The following NLRP7 variants were observed in gnomAD, a reference collection of about 807,000 sequenced individuals.
NLRP7 encodes NACHT, LRR and PYD domains-containing protein 7.
NLRP7 carries 72 observed loss-of-function variants against 85.5 expected under a neutral mutation model. The ratio of observed to expected loss-of-function variants is 0.84; its 90% CI spans 0.70 to 1.02. NLRP7 has a LOEUF of 1.02. NLRP7 is among the 50% of genes least tolerant of loss of function. NLRP7 has a pLI of 0.00. For missense variants in NLRP7, 1,243 were observed against 1,219.5 expected (o/e 1.02, Z -0.29); for synonymous variants, 550 against 505.2 (o/e 1.09, Z -1.19).
At chr19:54,940,959 T>C (rs778804267) in exon 3 of NLRP7, 1 of 1,613,032 alleles carries the variant, frequency 6.2e-7, no homozygotes, top group Non-Finnish European at 8.5e-7. Context: ...AGTCTTCTTC[T>C]GCATCTCCCA....
At chr19:54,955,119 G>A (rs978843171) in intron 1 of NLRP7, among the ~76,000 whole-genome samples, 6 of 152,256 alleles carry the variant, frequency 3.9e-5, no homozygotes, top group African/African-American at 4.8e-5. Context: ...CCTGAGGTCC[G>A]AAGTTTGAGA....
chr19:54,936,174 G>T, intron 6 of NLRP7, 87 bp downstream of exon 6: 1 of 1,188,010 alleles, frequency 8.4e-7, no homozygotes, highest in Non-Finnish European at 1.3e-6. Context: ...GACGGCATCT[G>T]GAGTGGTTAC....
intron 3 of NLRP7, 147 bp from the exon 4 acceptor site, chr19:54,940,613 G>A (rs994531019): frequency 8.9e-6 from 8 of 901,254 alleles, no homozygotes; most frequent in African/African-American, 1.6e-5. Flanking sequence ...GATCACTTGA[G>A]GTCAGGAGTT....
chr19:54,950,084 G>C (rs549230699), upstream of NLRP7, among the ~76,000 whole-genome samples: 1 of 151,534 alleles, frequency 6.6e-6, no homozygotes, highest in Admixed American at 6.6e-5. Flanking sequence ...CCTGGGTGAC[G>C]GAGTTAGACT....
At chr19:54,939,478 C>G in exon 4 of NLRP7, 1 of 1,613,610 alleles carries the variant, frequency 6.2e-7, no homozygotes, top group Non-Finnish European at 8.5e-7. Flanking sequence ...CGTCCAGGAA[C>G]AGACGGAGGT....
chr19:54,930,500 G>T (rs145163808), exon 9 of NLRP7: 7 of 1,599,180 alleles, frequency 4.4e-6, no homozygotes, highest in Admixed American at 3.3e-5. Flanking sequence ...ATCGCCTACC[G>T]TAGGTGTTTT....
chr19:54,937,537 A>G, intron 5 of NLRP7, among the ~76,000 whole-genome samples: 1 of 151,534 alleles, frequency 6.6e-6, no homozygotes, highest in Non-Finnish European at 1.5e-5. Flanking sequence ...TACTAAAAAC[A>G]CAAGATTAAG....
intron 2 of NLRP7, 79 bp from the exon 3 acceptor site, chr19:54,941,084 C>T: frequency 9.1e-7 from 1 of 1,103,706 alleles, no homozygotes; most frequent in South Asian, 1.2e-5. Context: ...AAAGTGTCAG[C>T]CAGGCATGGT....
chr19:54,951,331 A>C (rs944334651), upstream of NLRP7, among the ~76,000 whole-genome samples: 2 of 152,004 alleles, frequency 1.3e-5, no homozygotes, highest in African/African-American at 4.8e-5. Flanking sequence ...TGGATCACTT[A>C]AGGTCAGGAG....
intron 1 of NLRP7, among the ~76,000 whole-genome samples, chr19:54,962,147 G>A (rs1283153188): frequency 1.5e-5 from 2 of 129,124 alleles, no homozygotes; most frequent in African/African-American, 2.9e-5. Flanking sequence ...TGGGCGACAA[G>A]AGCAAAACTC....
chr19:54,945,281 T>A (rs1226315236), intron 1 of NLRP7, among the ~76,000 whole-genome samples: 1 of 150,876 alleles, frequency 6.6e-6, no homozygotes, highest in Non-Finnish European at 1.5e-5. Context: ...ATTCAGGGTT[T>A]TTTTTTTCTT....
At chr19:54,933,213 T>C (rs530651200) in intron 8 of NLRP7, among the ~76,000 whole-genome samples, 16 of 152,264 alleles carry the variant, frequency 1.1e-4, no homozygotes, top group Admixed American at 6.5e-4. Context: ...TGGTGCGATC[T>C]CGGCTCACTG....
upstream of NLRP7, among the ~76,000 whole-genome samples, chr19:54,952,112 T>C (rs1041110923): frequency 6.6e-6 from 1 of 152,118 alleles, no homozygotes; most frequent in African/African-American, 2.4e-5. Flanking sequence ...ATTAGAATTA[T>C]AAGGCTTTTG....
rs1299407103 is a variant in NLRP7, at chr19:54,939,044, T to C, written c.1775A>G (p.Lys592Arg). Residue 592 changes from lysine to arginine, a missense_variant, in exon 4 of 10, where the codon AAG becomes AGG. Physicochemically the swap from Lys to Arg is conservative, Grantham distance 26 (BLOSUM62 2). Around this residue, in one of 3 missense-constraint regions of NLRP7, gnomAD observed 613 missense variants for 588.4 expected, o/e 1.04. Coordinates refer to ENST00000340844, the Ensembl canonical transcript of NLRP7. ...ATTTGTCAGGTGAATAGAAATTTCC[T>C]TGAACGGGGCCACCACCACCTTCGC... 7.4e-6 allele frequency: 12 copies of C among 1,614,124 alleles called. No homozygotes were observed. The highest frequency in any genetic ancestry group is 8.5e-6 in the Non-Finnish European group (10 of 1,180,058).
intron 8 of NLRP7, among the ~76,000 whole-genome samples, 163 bp from the exon 9 acceptor site, chr19:54,930,829 C>T (rs1377960223): frequency 6.6e-6 from 1 of 152,102 alleles, no homozygotes; most frequent in African/African-American, 2.4e-5. Context: ...GATTCTTCTG[C>T]CTCAGCCTCC....
intron 1 of NLRP7, among the ~76,000 whole-genome samples, chr19:54,953,983 G>A (rs1454867730): frequency 2.0e-5 from 3 of 151,640 alleles, no homozygotes; most frequent in Admixed American, 6.6e-5. Flanking sequence ...CTCCAGCCTG[G>A]GTGACAGAGC....
chr19:54,932,167 C>T (rs1038526805), intron 8 of NLRP7, among the ~76,000 whole-genome samples: 1 of 152,066 alleles, frequency 6.6e-6, no homozygotes, highest in Non-Finnish European at 1.5e-5. Flanking sequence ...GTGGCTCATG[C>T]CTGGAACGCC....
At chr19:54,959,010 G>A (rs1344755351) in intron 1 of NLRP7, among the ~76,000 whole-genome samples, 1 of 152,154 alleles carries the variant, frequency 6.6e-6, no homozygotes, top group African/African-American at 2.4e-5. Flanking sequence ...CGGGTTCTAA[G>A]TCATGAGTTG....
chr19:54,938,290 A>G, intron 4 of NLRP7, 49 bp from the exon 5 acceptor site: 6 of 1,492,448 alleles, frequency 4.0e-6, no homozygotes, highest in Non-Finnish European at 5.6e-6. Context: ...CTGCATGGTG[A>G]GATGGGCATC....
Sources: allele counts gnomAD v4.1 joint callset (sites outside exome capture counted in the v4.1 genomes callset), GRCh38; gene constraint gnomAD v4.1.1; regional missense constraint gnomAD v4.1.1; transcripts MANE v1.5; gene names NCBI Gene and HGNC (gene_info 2026-07-23, HGNC 2026-07-21).